NMU: variants seen among roughly 807,000 people sequenced by gnomAD.
NMU encodes the protein neuromedin-U.
A neutral mutation model predicts 35.4 loss-of-function variants in NMU; 29 were observed. The observed-to-expected ratio is 0.82, with a 90% CI of 0.61 to 1.12. NMU has a LOEUF of 1.12. NMU is among the 50% of genes most tolerant of loss of function. The pLI, the probability that NMU is intolerant of heterozygous loss-of-function variation, is 0.00. For missense variants in NMU, 199 were observed against 206.2 expected, an observed-to-expected ratio of 0.97 and a Z score of 0.21; for synonymous variants, 78 against 81.3, an observed-to-expected ratio of 0.96 and a Z score of 0.22.
At chr4:55,618,028 G>A (rs1734175407) in intron 2 of NMU, among the ~76,000 whole-genome samples, 1 of 152,138 alleles carries the variant, frequency 6.6e-6, no homozygotes, top group African/African-American at 2.4e-5. Flanking sequence ...TTCCATTTGA[G>A]TAAGCATTTG....
At position 55,605,276 on chromosome 4, in the gene NMU, T is replaced by A; in HGVS notation, c.434A>T (p.Asp145Val). 6.2e-7 allele frequency: 1 copy of A among 1,607,870 alleles called. No homozygotes were observed. Among genetic ancestry groups the A allele is most frequent in the Non-Finnish European group, 8.5e-7 (1 of 1,174,242 alleles). Residue 145 changes from aspartate to valine, a missense_variant and splice_region_variant, in exon 7 of 10, where the codon GAC (aspartate) becomes GTC (valine). Transcript: ENST00000264218. The part of the protein sequence containing the change: ...HERRMKRFRV[D>V]EEFQSPFASQ... The stretch of plus-strand genomic sequence containing the variant: ...CAGCATGCAGTTTGTATTACATACG[T>A]CCACTCTGAATCTCTTCATTCTTCT...
chr4:55,632,427 TA>T (rs1382114814), intron 1 of NMU, among the ~76,000 whole-genome samples: 3 of 151,956 alleles, frequency 2.0e-5, no homozygotes, highest in African/African-American at 7.3e-5. Flanking sequence ...AGAAATAACT[TA>T]TAAAGGTCAT....
chr4:55,633,654 G>A lies in NMU; in HGVS notation c.112+2427C>T, dbSNP rs555044506. 5.9e-5 allele frequency among the ~76,000 whole-genome samples: 9 copies of A among 152,288 alleles called. No homozygotes were observed. In the South Asian group the frequency reaches 1.0e-3, roughly 18 times the overall value. On this transcript the variant is annotated intron_variant, in intron 1 of 9. Transcript: ENST00000264218. ...GCTGGAAATAATAACTTGTATATCCGTAAGTACATTATGTATAAGAAAGAC... is the reference window on the plus strand; with the variant it reads ...GCTGGAAATAATAACTTGTATATCCATAAGTACATTATGTATAAGAAAGAC...
At chr4:55,600,718 T>G in intron 7 of NMU, 143 bp from the exon 8 acceptor site, 1 of 637,426 alleles carries the variant, frequency 1.6e-6, no homozygotes, top group Non-Finnish European at 2.8e-6. Context: ...ATAGAGAATT[T>G]TTGTATCATA....
chr4:55,605,158 TATTA>T, intron 7 of NMU, 113 bp downstream of exon 7: 1 of 781,170 alleles, frequency 1.3e-6, no homozygotes, highest in South Asian at 1.4e-5. Context: ...GCTAACTGGG[TATTA>T]GTGTGGGCTT....
chr4:55,634,006 C>G (rs570469408), intron 1 of NMU, among the ~76,000 whole-genome samples: 27 of 151,968 alleles, frequency 1.8e-4, no homozygotes, highest in Non-Finnish European at 2.9e-4. Flanking sequence ...CCTTTATCTT[C>G]GCATGGCCAT....
intron 2 of NMU, among the ~76,000 whole-genome samples, chr4:55,618,115 G>A (rs1734179543): frequency 1.3e-5 from 2 of 152,150 alleles, no homozygotes; most frequent in Admixed American, 1.3e-4. Flanking sequence ...CAGACCATTG[G>A]TAAATCTCAT....
intron 3 of NMU, among the ~76,000 whole-genome samples, chr4:55,609,585 A>T (rs1418820464): frequency 1.3e-5 from 2 of 152,168 alleles, no homozygotes; most frequent in Non-Finnish European, 2.9e-5. Flanking sequence ...GCCTCGCTGA[A>T]TATTACTCAT....
intron 1 of NMU, among the ~76,000 whole-genome samples, chr4:55,631,175 C>G (rs937987892): frequency 6.6e-6 from 1 of 152,082 alleles, no homozygotes; most frequent in African/African-American, 2.4e-5. Flanking sequence ...AAAATCAACT[C>G]AAGACCTATC....
intron 1 of NMU, among the ~76,000 whole-genome samples, chr4:55,632,635 G>A (rs1191720678): frequency 6.6e-6 from 1 of 152,204 alleles, no homozygotes; most frequent in Non-Finnish European, 1.5e-5. Flanking sequence ...GGATAAAGCT[G>A]TGCTTCTCAA....
rs572875593 is a variant in NMU, at chr4:55,597,749, A to G, written c.*4+1393T>C. ...TAGTGTTTTTCTTTCTTCTGAGGTC[A>G]ATTTTGGTAGCACCTACTTTATTAG... On this transcript the variant is annotated intron_variant, in intron 9 of 9. Coordinates refer to ENST00000264218, the MANE Select transcript of NMU (RefSeq NM_006681.4). 4.6e-5 allele frequency among the ~76,000 whole-genome samples: 7 copies of G among 152,236 alleles called. No individual in the cohort carries two copies. The South Asian group carries it at 1.5e-3, about 32-fold the overall frequency.
At chr4:55,633,194 G>A (rs1397684117) in intron 1 of NMU, among the ~76,000 whole-genome samples, 2 of 151,680 alleles carry the variant, frequency 1.3e-5, no homozygotes, top group African/African-American at 2.4e-5. Context: ...GCATGGTGGC[G>A]GGCACCTGTA....
chr4:55,618,456 G>A (rs376526804), intron 2 of NMU, among the ~76,000 whole-genome samples: 1 of 152,102 alleles, frequency 6.6e-6, no homozygotes, highest in East Asian at 1.9e-4. Context: ...CCACTTACGA[G>A]TGAGAAATTG....
chr4:55,605,484 A>T (rs769925262), intron 6 of NMU, 135 bp from the exon 7 acceptor site: 12 of 736,606 alleles, frequency 1.6e-5, no homozygotes, highest in Non-Finnish European at 2.8e-5. Context: ...GATGTCACCT[A>T]AAACAGGTCT....
chr4:55,613,648 C>T (rs994912233), intron 3 of NMU, among the ~76,000 whole-genome samples: 8 of 152,258 alleles, frequency 5.3e-5, no homozygotes, highest in Admixed American at 1.3e-4. Context: ...AGTCCCCTAA[C>T]GCAGACACTG....
chr4:55,629,343 G>A (rs539864542), intron 2 of NMU, among the ~76,000 whole-genome samples: 25 of 151,738 alleles, frequency 1.6e-4, no homozygotes, highest in Non-Finnish European at 2.9e-4. Context: ...TGAAGTGGTC[G>A]GGTGCGGTGG....
Position 55,595,320 on chromosome 4 carries a change from G to GGGA in NMU, c.*95_*96insTCC, listed in dbSNP as rs1733121382. On this transcript the variant is annotated 3_prime_UTR_variant, in exon 10 of 10. Transcript: ENST00000264218. ...TGACAACACAGGGATTTTCAACAGA[G>GGGA]TACATTTAGCAAGGATTTTTTTCAG... 1.3e-5 allele frequency: 2 copies of GGGA among 152,040 alleles called. No homozygotes were observed. Among genetic ancestry groups the GGGA allele is most frequent in the Non-Finnish European group, 2.9e-5 (2 of 67,964 alleles). The allele number at this position is 152,040 out of a possible 1,614,324, so 9.4% of individuals were successfully genotyped here. A position where few individuals can be genotyped will look rare whatever the true frequency, so the allele number is the denominator to read the frequency against.
intron 9 of NMU, 104 bp downstream of exon 9, chr4:55,599,038 T>C (rs1733318270): frequency 1.3e-6 from 1 of 749,562 alleles, no homozygotes. Flanking sequence ...TTTAACATAG[T>C]TTAATTTGTG....
intron 3 of NMU, among the ~76,000 whole-genome samples, chr4:55,613,598 T>C (rs577471929): frequency 3.7e-4 from 57 of 152,268 alleles, no homozygotes; most frequent in Non-Finnish European, 6.6e-4. Context: ...AATATCCCCA[T>C]TGAATCACGC....
Sources: gnomAD v4.1 joint callset for allele counts (sites outside exome capture counted in the v4.1 genomes callset) on GRCh38, gnomAD v4.1.1 for gene constraint, MANE v1.5 for transcripts, NCBI Gene and HGNC (gene_info 2026-07-23, HGNC 2026-07-21) for gene names.